Variants in CCDC88C observed in about 807,000 individuals in gnomAD.
The protein encoded by CCDC88C is coiled-coil and HOOK domain protein 88C, also known as protein Daple.
A neutral mutation model predicts 198.8 loss-of-function variants in CCDC88C; 131 were observed. That is an observed-to-expected ratio of 0.66 (90% confidence interval 0.57 to 0.76). The LOEUF (loss-of-function observed/expected upper bound fraction) is 0.76, where lower values mean the gene tolerates loss of function less well. CCDC88C is among the 30% of genes least tolerant of loss of function. The pLI, the probability that CCDC88C is intolerant of heterozygous loss-of-function variation, is 0.00. For synonymous variants in CCDC88C, 1,166 were observed against 1,114.7 expected, an observed-to-expected ratio of 1.05 and a Z score of -0.92; for missense variants, 2,553 against 2,631.6, an observed-to-expected ratio of 0.97 and a Z score of 0.65.
At position 91,325,807 on chromosome 14, in the gene CCDC88C, G is replaced by C; in HGVS notation, c.1197+103C>G. On this transcript the variant is annotated intron_variant, in intron 11 of 29. Transcript: ENST00000389857. The surrounding 1 kb of genome is among the most constrained non-coding windows in gnomAD (Gnocchi z 4.1). ...AGGGTTAGAACTCCTGCGCTCAAGG[G>C]ATCCTCCCACCTTAGCCTCCCAAAG... 8.4e-7 allele frequency: 1 copy of C among 1,189,036 alleles called. No individual in the cohort carries two copies. Among genetic ancestry groups the C allele is most frequent in the Admixed American group, 2.5e-5 (1 of 39,226 alleles). The allele number at this position is 1,189,036 out of a possible 1,614,324, so 73.7% of individuals were successfully genotyped here. A position where few individuals can be genotyped will look rare whatever the true frequency, so the allele number is the denominator to read the frequency against.
intron 22 of CCDC88C, among the ~76,000 whole-genome samples, chr14:91,295,173 CT>C (rs1890948083): frequency 6.6e-6 from 1 of 152,308 alleles, no homozygotes; most frequent in African/African-American, 2.4e-5. Flanking sequence ...GCAATTCTAA[CT>C]TTAACTTCAC....
At chr14:91,297,834 T>C (rs115144718) in intron 21 of CCDC88C, among the ~76,000 whole-genome samples, 1,590 of 152,232 alleles carry the variant, frequency 0.01, 30 homozygotes, top group African/African-American at 0.035. Context: ...TGTGTACACT[T>C]GAAAAACAAG....
At chr14:91,357,132 G>A (rs2139898501) in intron 4 of CCDC88C, among the ~76,000 whole-genome samples, 1 of 152,340 alleles carries the variant, frequency 6.6e-6, no homozygotes, top group East Asian at 1.9e-4. Flanking sequence ...CAGCCCCTCT[G>A]CTTACAGGCC....
chr14:91,398,452 T>C (rs1885977273), intron 3 of CCDC88C, among the ~76,000 whole-genome samples: 1 of 151,990 alleles, frequency 6.6e-6, no homozygotes, highest in Non-Finnish European at 1.5e-5. Flanking sequence ...GCCCAGGAGT[T>C]TGAGTAGCCT....
At position 91,271,592 on chromosome 14, in the gene CCDC88C, G is replaced by A. The variant is rs1053888164; in HGVS notation, c.*1033C>T. On this transcript the variant is annotated 3_prime_UTR_variant, in exon 30 of 30. Transcript: ENST00000389857. ...ACACAAAGCAGCAGATAAGATTCCC[G>A]ACAGAAGAGAGTGACTCCCACTGGA... 30 of 152,182 alleles carry A rather than the reference G, an allele frequency of 2.0e-4. No homozygotes were observed. Among genetic ancestry groups the A allele is most frequent in the African/African-American group, 5.3e-4 (22 of 41,516 alleles). 9.4% of individuals were successfully genotyped at this position (152,182 alleles called of 1,614,324 possible). A position where few individuals can be genotyped will look rare whatever the true frequency, so the allele number is the denominator to read the frequency against.
intron 3 of CCDC88C, among the ~76,000 whole-genome samples, chr14:91,406,448 T>C (rs1886487757): frequency 6.6e-6 from 1 of 152,200 alleles, no homozygotes; most frequent in South Asian, 2.1e-4. Context: ...GCTATACCAC[T>C]GGCTCTGGCC....
At chr14:91,308,768 A>C (rs1891670396) in intron 16 of CCDC88C, among the ~76,000 whole-genome samples, 1 of 152,172 alleles carries the variant, frequency 6.6e-6, no homozygotes, top group South Asian at 2.1e-4. Flanking sequence ...CATTTTACCG[A>C]AGGGGAAACT....
Position 91,303,701 on chromosome 14 carries a change from C to T in CCDC88C, c.3635G>A (p.Arg1212Lys), listed in dbSNP as rs1891432046. 1 of 1,578,510 alleles carries T rather than the reference C, an allele frequency of 6.3e-7. No individual in the cohort carries two copies. Among genetic ancestry groups the T allele is most frequent in the South Asian group, 1.1e-5 (1 of 87,160 alleles). ...ATCCCCTTCCTTCCCCAGGCCCTAC[C>T]TCTCCCCGAGCTCCTTGTGCTCCAG... ...LELEHKELGE[R>K]HGDMLKRKAE... Residue 1212 changes from arginine (R) to lysine (K), a missense_variant and splice_region_variant, in exon 20 of 30, where the codon AGG (arginine) becomes AAG (lysine). By Grantham distance (26) the Arg-to-Lys change is conservative (BLOSUM62 2). Coordinates refer to ENST00000389857, the MANE Select transcript of CCDC88C (RefSeq NM_001080414.4).
At chr14:91,315,418 C>T (rs905506880) in intron 14 of CCDC88C, among the ~76,000 whole-genome samples, 2 of 152,094 alleles carry the variant, frequency 1.3e-5, no homozygotes, top group African/African-American at 4.8e-5. Context: ...CCCGGGGTCA[C>T]GACAATCAAA....
At position 91,326,007 on chromosome 14, in the gene CCDC88C, T is replaced by A; in HGVS notation, c.1100A>T (p.Glu367Val). The change falls in exon 11 of 30, where the codon GAG becomes GTG. Residue 367 changes from glutamate to valine, a missense_variant. By Grantham distance (121) the Glu-to-Val change is moderately radical. Transcript: ENST00000389857. ...GGCCCGAGCAGCAGTCAGCTGTTCC[T>A]CCAGCATGGCCTTGGTTTCAATTAA... ...IILIETKAML[E>V]EQLTAARARG... The A allele has an allele frequency of 6.2e-7, 1 of 1,605,072 alleles. No individual in the cohort carries two copies. Among genetic ancestry groups the A allele is most frequent in the African/African-American group, 1.3e-5 (1 of 74,878 alleles).
chr14:91,405,610 C>T (rs1886441640), intron 3 of CCDC88C, among the ~76,000 whole-genome samples: 2 of 152,144 alleles, frequency 1.3e-5, no homozygotes, highest in South Asian at 4.1e-4. Flanking sequence ...AAAACAAAAA[C>T]TATTCACTCA....
At chr14:91,327,603 G>A (rs1400812402) in intron 10 of CCDC88C, among the ~76,000 whole-genome samples, 2 of 152,200 alleles carry the variant, frequency 1.3e-5, no homozygotes, top group South Asian at 2.1e-4. Context: ...CCGCAGACCC[G>A]GTGCTCTCCT....
rs533272183 is a variant in CCDC88C at position 91,284,525 on chromosome 14, G to C, written c.4442-1008C>G. ...GGTGAAGCTAAAATGAGGATCCACA[G>C]GGGAGGCAGAGATGAGTGAACAGTT... On this transcript the variant is annotated intron_variant, in intron 25 of 29. Coordinates refer to ENST00000389857, the MANE Select transcript of CCDC88C (RefSeq NM_001080414.4). This position sits in a 1 kb window ranked among gnomAD's most constrained non-coding sequence, Gnocchi z 4.1. Among the ~76,000 whole-genome samples, 1 of 152,338 alleles carries C rather than the reference G, an allele frequency of 6.6e-6. No individual in the cohort carries two copies. The highest frequency in any genetic ancestry group is 2.4e-5 in the African/African-American group (1 of 41,570).
intron 20 of CCDC88C, among the ~76,000 whole-genome samples, chr14:91,301,490 T>G (rs1891281264): frequency 1.3e-5 from 2 of 152,066 alleles, no homozygotes; most frequent in African/African-American, 4.8e-5. Context: ...CCGAGACAGG[T>G]GGATCACTTG....
At chr14:91,401,332 TTA>T (rs10655580) in intron 3 of CCDC88C, among the ~76,000 whole-genome samples, 18 of 136,676 alleles carry the variant, frequency 1.3e-4, no homozygotes, top group Admixed American at 5.6e-4. Context: ...ATTACATATA[TTA>T]TATATATATA....
chr14:91,317,329 G>C (rs78189753), intron 13 of CCDC88C, among the ~76,000 whole-genome samples: 3,161 of 152,302 alleles, frequency 0.021, 128 homozygotes, highest in African/African-American at 0.072. Flanking sequence ...GGCACTAGGG[G>C]CCCCCTGTGG....
At chr14:91,275,547 G>A (rs1889920866) in intron 29 of CCDC88C, among the ~76,000 whole-genome samples, 3 of 151,046 alleles carry the variant, frequency 2.0e-5, no homozygotes, top group South Asian at 2.1e-4. Flanking sequence ...GCACAATCTC[G>A]GTTCACTGCA....
At chr14:91,328,314 G>A (rs1596075542) in intron 10 of CCDC88C, among the ~76,000 whole-genome samples, 2 of 152,184 alleles carry the variant, frequency 1.3e-5, no homozygotes, top group African/African-American at 4.8e-5. Flanking sequence ...CCTGCACACT[G>A]CACCACCACC....
At chr14:91,406,575 G>T (rs1886496210) in intron 3 of CCDC88C, among the ~76,000 whole-genome samples, 1 of 152,258 alleles carries the variant, frequency 6.6e-6, no homozygotes, top group African/African-American at 2.4e-5. Context: ...ACGCAGGCTG[G>T]GTTAGGGGGT....
Sources: gnomAD v4.1 joint callset for allele counts (sites outside exome capture counted in the v4.1 genomes callset) on GRCh38, gnomAD v4.1.1 for gene constraint, Gnocchi (gnomAD v3.1) non-coding constraint, MANE v1.5 for transcripts, NCBI Gene and HGNC (gene_info 2026-07-23, HGNC 2026-07-21) for gene names.